Variants in MYT1L observed in about 807,000 individuals in gnomAD.
MYT1L encodes the protein myelin transcription factor 1-like protein.
Under a neutral mutation model 126.7 loss-of-function variants are expected in MYT1L, and 12 were observed. The ratio of observed to expected loss-of-function variants is 0.09; its 90% CI spans 0.06 to 0.15. The LOEUF (loss-of-function observed/expected upper bound fraction) is 0.15, where lower values mean the gene tolerates loss of function less well. Among genes scored for constraint, MYT1L ranks in the 10% least tolerant of loss-of-function variants. MYT1L has a pLI of 1.00. For missense variants in MYT1L, 979 were observed against 1,585.2 expected, an observed-to-expected ratio of 0.62 and a Z score of 6.49; for synonymous variants, 541 against 604.2, an observed-to-expected ratio of 0.90 and a Z score of 1.53.
intron 4 of MYT1L, among the ~76,000 whole-genome samples, chr2:2,001,373 T>C (rs958978903): frequency 1.3e-5 from 2 of 152,206 alleles, no homozygotes; most frequent in African/African-American, 4.8e-5. Context: ...AAATTAGGTT[T>C]TGTCACAGTC....
At chr2:1,941,628 C>CA (rs534580860) in intron 9 of MYT1L, among the ~76,000 whole-genome samples, 9 of 152,138 alleles carry the variant, frequency 5.9e-5, no homozygotes, top group African/African-American at 2.2e-4. Flanking sequence ...CATAGCGAGA[C>CA]AAAAAATCTT....
chr2:2,220,077 G>A (rs558564633), intron 2 of MYT1L, among the ~76,000 whole-genome samples: 1 of 152,208 alleles, frequency 6.6e-6, no homozygotes, highest in Non-Finnish European at 1.5e-5. Context: ...AAGTGGAAAG[G>A]AAAGGGTGAA....
intron 1 of MYT1L, among the ~76,000 whole-genome samples, chr2:2,285,777 A>C (rs1407726526): frequency 6.6e-6 from 1 of 152,138 alleles, no homozygotes; most frequent in Non-Finnish European, 1.5e-5. Context: ...TATCTCTCTT[A>C]ATCCTCAAAG....
intron 3 of MYT1L, among the ~76,000 whole-genome samples, chr2:2,128,133 C>T (rs1048053928): frequency 1.3e-5 from 2 of 152,160 alleles, no homozygotes; most frequent in Non-Finnish European, 2.9e-5. Context: ...TCTGAGATCG[C>T]TTCTAAACCT....
intron 4 of MYT1L, among the ~76,000 whole-genome samples, chr2:2,002,240 C>T (rs1345214448): frequency 6.6e-6 from 1 of 152,290 alleles, no homozygotes; most frequent in South Asian, 2.1e-4. Flanking sequence ...GGTCTCTCGA[C>T]CATGAGACTT....
rs561701904 is a variant in MYT1L at position 2,147,602 on chromosome 2, C to T, written c.-304+25270G>A. Among the ~76,000 whole-genome samples, 10 of 152,346 alleles carry T rather than the reference C, an allele frequency of 6.6e-5. No individual in the cohort carries two copies. The East Asian group carries it at 1.4e-3, about 21-fold the overall frequency. ...ATTCTGCCACCAACACTTCAGCTCACGGCCTCACAAGTGACTCCAAAGGAG... is the reference window on the plus strand; with the variant it reads ...ATTCTGCCACCAACACTTCAGCTCATGGCCTCACAAGTGACTCCAAAGGAG... On this transcript the variant is annotated intron_variant, in intron 3 of 24. Transcript: ENST00000647738.
At chr2:2,184,640 A>G (rs554472358) in intron 2 of MYT1L, among the ~76,000 whole-genome samples, 18 of 152,128 alleles carry the variant, frequency 1.2e-4, no homozygotes, top group Non-Finnish European at 2.2e-4. Flanking sequence ...CATCTGAGCA[A>G]GACCTCCTCT....
chr2:2,063,261 CTTCT>C (rs1440267819), intron 3 of MYT1L, among the ~76,000 whole-genome samples: 1 of 152,208 alleles, frequency 6.6e-6, no homozygotes, highest in Non-Finnish European at 1.5e-5. Context: ...TCAATGATAA[CTTCT>C]TTGTTTCTCT....
chr2:1,858,867 G>C (rs1382181621), intron 18 of MYT1L, among the ~76,000 whole-genome samples: 1 of 152,174 alleles, frequency 6.6e-6, no homozygotes. Flanking sequence ...ACCTTCTCCC[G>C]GGTGGAGTCT....
At chr2:2,166,354 C>A (rs1299890740) in intron 3 of MYT1L, among the ~76,000 whole-genome samples, 3 of 152,194 alleles carry the variant, frequency 2.0e-5, no homozygotes, top group African/African-American at 7.2e-5. Flanking sequence ...TTTATCTACT[C>A]CTGTCACTTA....
intron 3 of MYT1L, among the ~76,000 whole-genome samples, chr2:2,139,110 C>T (rs1218333648): frequency 6.6e-6 from 1 of 150,608 alleles, no homozygotes; most frequent in African/African-American, 2.4e-5. Context: ...ATCTGGTCTA[C>T]CAAGAGGCGT....
At chr2:2,042,275 A>G (rs894529433) in intron 4 of MYT1L, among the ~76,000 whole-genome samples, 2 of 152,210 alleles carry the variant, frequency 1.3e-5, no homozygotes, top group African/African-American at 4.8e-5. Context: ...TATGTGGATT[A>G]AATGCATTTT....
chr2:1,947,851 C>G (rs893672094), intron 8 of MYT1L, among the ~76,000 whole-genome samples: 5 of 152,204 alleles, frequency 3.3e-5, no homozygotes, highest in African/African-American at 4.8e-5. Context: ...TGGTATAATC[C>G]TATCAAGCAG....
chr2:2,018,246 TTC>T (rs2064643477), intron 4 of MYT1L, among the ~76,000 whole-genome samples: 1 of 152,202 alleles, frequency 6.6e-6, no homozygotes, highest in Non-Finnish European at 1.5e-5. Context: ...TAGTGTCTGT[TTC>T]TCTGTCTGTT....
intron 8 of MYT1L, among the ~76,000 whole-genome samples, chr2:1,944,454 T>C (rs1429096081): frequency 3.3e-5 from 5 of 151,448 alleles, no homozygotes; most frequent in African/African-American, 4.9e-5. Context: ...GCCTCTCTCA[T>C]TGGCCCATTA....
At chr2:2,291,327 C>T (rs926060333) in intron 1 of MYT1L, among the ~76,000 whole-genome samples, 3 of 152,180 alleles carry the variant, frequency 2.0e-5, no homozygotes, top group African/African-American at 7.2e-5. Flanking sequence ...TGAAAATGTT[C>T]TGGGCTCAGG....
intron 14 of MYT1L, among the ~76,000 whole-genome samples, chr2:1,902,398 G>C (rs2050467179): frequency 6.6e-6 from 1 of 152,200 alleles, no homozygotes; most frequent in South Asian, 2.1e-4. Flanking sequence ...CCCCAGGCTG[G>C]GCCTTGTTTT....
intron 18 of MYT1L, among the ~76,000 whole-genome samples, chr2:1,874,951 C>G (rs922571480): frequency 5.2e-4 from 79 of 152,212 alleles, no homozygotes; most frequent in African/African-American, 1.9e-3. Context: ...CCTGGCGGCC[C>G]GTCTGCTGGC....
chr2:1,950,551 A>G (rs138941107), intron 8 of MYT1L, among the ~76,000 whole-genome samples: 11 of 151,956 alleles, frequency 7.2e-5, no homozygotes, highest in Admixed American at 2.0e-4. Context: ...AGAGACACAG[A>G]CAGTTACCCT....
Sources: gnomAD v4.1 joint callset for allele counts (sites outside exome capture counted in the v4.1 genomes callset) on GRCh38, gnomAD v4.1.1 for gene constraint, MANE v1.5 for transcripts, NCBI Gene and HGNC (gene_info 2026-07-23, HGNC 2026-07-21) for gene names.